Variants in PSKH2 observed in about 807,000 individuals in gnomAD.
The protein encoded by PSKH2 is serine/threonine-protein kinase H2.
Under a neutral mutation model 22.5 loss-of-function variants are expected in PSKH2, and 16 were observed. The ratio of observed to expected loss-of-function variants is 0.71; its 90% CI spans 0.48 to 1.08. PSKH2 has a LOEUF of 1.08. PSKH2 is among the 50% of genes least tolerant of loss of function. The pLI, the probability that PSKH2 is intolerant of heterozygous loss-of-function variation, is 0.00. For missense variants in PSKH2, 516 were observed against 492.8 expected (o/e 1.05, Z -0.44); for synonymous variants, 188 against 184.8 (o/e 1.02, Z -0.14).
chr8:86,063,865 G>A, intron 2 of PSKH2, 100 bp downstream of exon 2: 1 of 930,500 alleles, frequency 1.1e-6, no homozygotes, highest in South Asian at 1.7e-5. Context: ...CAGCACACAG[G>A]ACAACCCCAA....
chr8:86,067,008 T>G (rs1422648231), intron 1 of PSKH2, among the ~76,000 whole-genome samples: 1 of 152,196 alleles, frequency 6.6e-6, no homozygotes, highest in Non-Finnish European at 1.5e-5. Flanking sequence ...AAATGCTAAT[T>G]TATCGCTATG....
intron 1 of PSKH2, among the ~76,000 whole-genome samples, chr8:86,065,712 C>T (rs981988718): frequency 1.3e-5 from 2 of 152,108 alleles, no homozygotes; most frequent in Non-Finnish European, 2.9e-5. Flanking sequence ...GTGGGCTCAT[C>T]GTGTAATCCC....
chr8:86,060,265 G>C (rs1297354695), intron 2 of PSKH2, among the ~76,000 whole-genome samples: 1 of 151,782 alleles, frequency 6.6e-6, no homozygotes, highest in Admixed American at 6.6e-5. Flanking sequence ...CTCATCTTTT[G>C]TGTGGCTCCT....
At chr8:86,050,230 T>G (rs1040514262) in intron 2 of PSKH2, among the ~76,000 whole-genome samples, 9 of 152,116 alleles carry the variant, frequency 5.9e-5, no homozygotes, top group Non-Finnish European at 1.2e-4. Context: ...AACAATTTAA[T>G]CTGAGGAATG....
intron 2 of PSKH2, among the ~76,000 whole-genome samples, chr8:86,058,542 C>T (rs1316931582): frequency 2.0e-5 from 3 of 152,144 alleles, no homozygotes; most frequent in African/African-American, 7.2e-5. Context: ...CATGCTTATT[C>T]CTTTTAGATG....
intron 2 of PSKH2, among the ~76,000 whole-genome samples, chr8:86,058,752 C>A (rs1477174490): frequency 6.6e-6 from 1 of 152,074 alleles, no homozygotes; most frequent in Non-Finnish European, 1.5e-5. Context: ...ATATATTTCA[C>A]AACAAAATCC....
At chr8:86,062,087 T>C (rs56853460) in intron 2 of PSKH2, among the ~76,000 whole-genome samples, 9,286 of 152,336 alleles carry the variant, frequency 0.061, 958 homozygotes, top group African/African-American at 0.21. Context: ...TTCCTCCTAG[T>C]CTTTTCCCAT....
chr8:86,062,945 A>G (rs1298283353), intron 2 of PSKH2, among the ~76,000 whole-genome samples: 3 of 147,956 alleles, frequency 2.0e-5, no homozygotes, highest in East Asian at 3.9e-4. Context: ...AAAGACAATA[A>G]AAAGACATTT....
chr8:86,065,302 A>G (rs1050509359), intron 1 of PSKH2, among the ~76,000 whole-genome samples: 1 of 152,288 alleles, frequency 6.6e-6, no homozygotes, highest in African/African-American at 2.4e-5. Context: ...CATCTTGTAC[A>G]CAGTAGCTGT....
chr8:86,051,311 C>T (rs1018219598), intron 2 of PSKH2, among the ~76,000 whole-genome samples: 5 of 152,134 alleles, frequency 3.3e-5, no homozygotes, highest in Admixed American at 6.5e-5. Flanking sequence ...TGGTCTCAAA[C>T]TCCTAACCTC....
Position 86,047,939 on chromosome 8 carries a change from T to C in PSKH2, c.*523A>G, listed in dbSNP as rs1389594766. On this transcript the variant is annotated 3_prime_UTR_variant, in exon 3 of 3. Transcript: ENST00000276616. ...TTTCTGATAGATTGAAATTATATCT[T>C]ATAGTTCTTTATAGGCCCCATAATT... Among the ~76,000 whole-genome samples the C allele has an allele frequency of 6.6e-6, 1 of 152,158 alleles. No individual in the cohort carries two copies. Among genetic ancestry groups the C allele is most frequent in the Non-Finnish European group, 1.5e-5 (1 of 67,992 alleles).
chr8:86,050,986 T>C (rs1446675830), intron 2 of PSKH2, among the ~76,000 whole-genome samples: 1 of 152,106 alleles, frequency 6.6e-6, no homozygotes, highest in African/African-American at 2.4e-5. Flanking sequence ...TCTCAAGCCA[T>C]CCTCCTGCCT....
chr8:86,051,529 C>G (rs530449072), intron 2 of PSKH2, among the ~76,000 whole-genome samples: 13 of 152,206 alleles, frequency 8.5e-5, no homozygotes, highest in Admixed American at 8.5e-4. Flanking sequence ...GACAAATACT[C>G]AAACACAGGA....
Position 86,048,629 on chromosome 8 carries a change from T to A in PSKH2, c.991A>T (p.Asn331Tyr), listed in dbSNP as rs749960815. Residue 331 changes from asparagine (N) to tyrosine (Y), a missense_variant, in exon 3 of 3, where the codon AAT becomes TAT. Physicochemically the swap from Asn to Tyr is moderately radical, Grantham distance 143. Transcript: ENST00000276616. ...TTTCGGGATATGGCCCTCTGGAGAT[T>A]CTTCATGGAAGACCCTGCAGCCATG... ...ITMAAGSSMK[N>Y]LQRAISRNLM... The A allele has an allele frequency of 1.2e-5, 20 of 1,613,986 alleles. No homozygotes were observed. Among genetic ancestry groups the A allele is most frequent in the Non-Finnish European group, 1.6e-5 (19 of 1,180,020 alleles).
intron 2 of PSKH2, among the ~76,000 whole-genome samples, chr8:86,062,390 CA>C (rs1281764759): frequency 5.9e-5 from 9 of 152,114 alleles, no homozygotes; most frequent in African/African-American, 1.9e-4. Context: ...ATTATAAGAT[CA>C]AAATACATAA....
intron 2 of PSKH2, among the ~76,000 whole-genome samples, chr8:86,053,319 C>T (rs958462151): frequency 6.6e-6 from 1 of 152,120 alleles, no homozygotes. Context: ...CCTATTCTGC[C>T]CTCTTCTTCC....
intron 2 of PSKH2, among the ~76,000 whole-genome samples, chr8:86,060,684 G>A (rs1817764889): frequency 6.6e-6 from 1 of 152,266 alleles, no homozygotes; most frequent in Non-Finnish European, 1.5e-5. Flanking sequence ...TAAGACACTT[G>A]ATGATATCAA....
Position 86,047,626 on chromosome 8 carries a change from AT to A in PSKH2, c.*835del, listed in dbSNP as rs1211362779. Among the ~76,000 whole-genome samples the A allele has an allele frequency of 6.6e-6, 1 of 152,152 alleles. No individual in the cohort carries two copies. Among genetic ancestry groups the A allele is most frequent in the Non-Finnish European group, 1.5e-5 (1 of 68,000 alleles). On this transcript the variant is annotated 3_prime_UTR_variant, in exon 3 of 3. Coordinates refer to ENST00000276616, the MANE Select transcript of PSKH2 (RefSeq NM_033126.3). The stretch of plus-strand genomic sequence containing the variant: ...AATTTACCATATAAGAGATCAGGCC[AT>A]ATGTGACTTGCCTAGAGAACTAAGT...
rs1817559898 is a variant in PSKH2, at chr8:86,048,425, C to T, written c.*37G>A. ...GGTGCCCTAATCATGATGAAATGGT[C>T]CTAAAATAGGCAAAAATAGTTTTAG... is the stretch of plus-strand genomic sequence containing the variant. On this transcript the variant is annotated 3_prime_UTR_variant, in exon 3 of 3. Transcript: ENST00000276616. 1 of 1,548,752 alleles carries T rather than the reference C, an allele frequency of 6.5e-7. No individual in the cohort carries two copies. Among genetic ancestry groups the T allele is most frequent in the South Asian group, 1.2e-5 (1 of 85,348 alleles).
Sources: gnomAD v4.1 joint callset for allele counts (sites outside exome capture counted in the v4.1 genomes callset) on GRCh38, gnomAD v4.1.1 for gene constraint, MANE v1.5 for transcripts, NCBI Gene and HGNC (gene_info 2026-07-23, HGNC 2026-07-21) for gene names.